Variants in ZDHHC23 observed in about 807,000 individuals in gnomAD.
ZDHHC23 encodes the protein zDHHC palmitoyltransferase 23, also known as palmitoyltransferase ZDHHC23.
In ZDHHC23, 41 loss-of-function variants were observed where a neutral mutation model predicts 40.2. The observed-to-expected ratio is 1.02, with a 90% CI of 0.79 to 1.32. ZDHHC23 has a LOEUF of 1.32. ZDHHC23 is among the 40% of genes most tolerant of loss of function. The pLI is 0.00. For missense variants in ZDHHC23, 471 were observed against 541.5 expected, an observed-to-expected ratio of 0.87 and a Z score of 1.29; for synonymous variants, 204 against 210.2, an observed-to-expected ratio of 0.97 and a Z score of 0.26.
In ZDHHC23 at chr3:113,960,869, A is replaced by G; in HGVS notation, c.*2239A>G. 2.0e-5 allele frequency: 27 copies of G among 1,374,504 alleles called. No individual in the cohort carries two copies. The highest frequency in any genetic ancestry group is 2.3e-5 in the Non-Finnish European group (24 of 1,041,306). 85.1% of individuals were successfully genotyped at this position (1,374,504 alleles called of 1,614,324 possible). A position where few individuals can be genotyped will look rare whatever the true frequency, so the allele number is the denominator to read the frequency against. On this transcript the variant is annotated 3_prime_UTR_variant, in exon 5 of 5. Coordinates refer to ENST00000638807, the MANE Select transcript of ZDHHC23 (RefSeq NM_001320466.2). ...ACAGAATGCTTAAACCTGTCAAAAG[A>G]TGAGTGATCTTGTGTGGGAAAAGCC...
chr3:113,968,459 CCCTTT>C (rs1940443299), downstream of ZDHHC23, among the ~76,000 whole-genome samples: 1 of 151,756 alleles, frequency 6.6e-6, no homozygotes, highest in Admixed American at 6.6e-5. Context: ...ATCTTCCCCC[CCCTTT>C]TTTTTTTAGG....
At chr3:113,948,284 G>C (rs1938287364) in intron 1 of ZDHHC23, 94 bp downstream of exon 1, 2 of 153,406 alleles carry the variant, frequency 1.3e-5, no homozygotes, top group Admixed American at 1.3e-4. Flanking sequence ...GGCGCACCCT[G>C]CAAGGGGCCC....
chr3:113,964,291 A>G (rs564042886), downstream of ZDHHC23: 21 of 152,352 alleles, frequency 1.4e-4, 1 homozygote, highest in South Asian at 3.5e-3. Flanking sequence ...TGTATTTTAT[A>G]ATGAAAAATT....
chr3:113,953,999 A>C lies in ZDHHC23; in HGVS notation c.461A>C (p.Tyr154Ser), dbSNP rs980354889. 1 of 1,613,852 alleles carries C rather than the reference A, an allele frequency of 6.2e-7. No homozygotes were observed. The highest frequency in any genetic ancestry group is 8.5e-7 in the Non-Finnish European group (1 of 1,180,002). Residue 154 changes from tyrosine to serine, a missense_variant, in exon 3 of 5, where the codon TAT becomes TCT. By Grantham distance (144) the Tyr-to-Ser change is moderately radical (BLOSUM62 -2). Around this residue, in one of 3 missense-constraint regions of ZDHHC23, gnomAD observed 346 missense variants for 399.8 expected, o/e 0.87. Transcript: ENST00000638807. ...LGLFSLGYMY[Y>S]VFLQEVVPKG... The stretch of plus-strand genomic sequence containing the variant: ...CTGTTCTCTCTGGGCTACATGTACT[A>C]TGTGTTCCTGCAGGAAGTGGTCCCC...
the ZDHHC23 span, among the ~76,000 whole-genome samples, chr3:113,970,488 A>G: frequency 2.6e-5 from 4 of 152,056 alleles, no homozygotes; most frequent in South Asian, 6.2e-4. Context: ...TCTCTTGTCT[A>G]ACTGCTCTGG....
the ZDHHC23 span, chr3:113,978,555 A>G: frequency 6.7e-6 from 4 of 597,800 alleles, no homozygotes; most frequent in East Asian, 2.8e-5. Context: ...TTGAAGGGGT[A>G]AGTTTCTAAA....
Position 113,948,733 on chromosome 3 carries a change from A to T in ZDHHC23, c.-70A>T. ...AGAGAGGCGTGGACCTATTTACGAG[A>T]TGTAAGTTGTGTTCTTTCCACCTTT... On this transcript the variant is annotated 5_prime_UTR_variant, in exon 2 of 5. An upstream start codon of the reference 5' UTR is lost. Transcript: ENST00000638807. 3.2e-6 allele frequency: 5 copies of T among 1,578,986 alleles called. No individual in the cohort carries two copies. The highest frequency in any genetic ancestry group is 1.4e-5 in the African/African-American group (1 of 73,896).
chr3:113,977,282 G>A, the ZDHHC23 span, among the ~76,000 whole-genome samples: 99 of 152,130 alleles, frequency 6.5e-4, no homozygotes, highest in African/African-American at 2.3e-3. Flanking sequence ...GAGTAATGTT[G>A]AGAAAAGGGG....
Position 113,956,507 on chromosome 3 carries a change from G to A in ZDHHC23, c.1040+1G>A. 3 of 1,612,498 alleles carry A rather than the reference G, an allele frequency of 1.9e-6. No individual in the cohort carries two copies. Among genetic ancestry groups the A allele is most frequent in the Non-Finnish European group, 2.5e-6 (3 of 1,179,428 alleles). On this transcript the variant is annotated splice_donor_variant, in intron 4 of 4. Transcript: ENST00000638807. LOFTEE classifies it high-confidence loss of function. Reference sequence around the variant, plus strand: ...GTCCTGGAGTTTATGCAAATTACAGGTGAGCAGTGGGTACCACAGTATGGA... The same window carrying A: ...GTCCTGGAGTTTATGCAAATTACAGATGAGCAGTGGGTACCACAGTATGGA...
At chr3:113,965,160 C>T (rs765670138), downstream of ZDHHC23, 32 of 1,593,100 alleles carry the variant, frequency 2.0e-5, no homozygotes, top group East Asian at 2.2e-5. Context: ...CTGGCTCATT[C>T]GTTCACCAGA....
intron 2 of ZDHHC23, among the ~76,000 whole-genome samples, chr3:113,952,759 C>A (rs1938798406): frequency 6.6e-6 from 1 of 152,214 alleles, no homozygotes; most frequent in Non-Finnish European, 1.5e-5. Flanking sequence ...GCAGCAGATT[C>A]AGTGTCTGGT....
chr3:113,954,274 T>C lies in ZDHHC23; in HGVS notation c.736T>C (p.Ser246Pro), dbSNP rs1938962755. Reference sequence around the variant, plus strand: ...AACAAAGGATGACCCCAAGGGCTCTTCCAAGATGCCAGCTGGAAGCCCCAC... The same window carrying C: ...AACAAAGGATGACCCCAAGGGCTCTCCCAAGATGCCAGCTGGAAGCCCCAC... Reference protein sequence around the residue: ...RTTKDDPKGSSKMPAGSPTKA... With the variant: ...RTTKDDPKGSPKMPAGSPTKA... The change falls in exon 3 of 5, where the codon TCC (serine) becomes CCC (proline). Residue 246 changes from serine (S) to proline (P), a missense_variant. By Grantham distance (74) the Ser-to-Pro change is moderately conservative (BLOSUM62 -1). This residue lies in a region of ZDHHC23 where 346 missense variants were observed against 399.8 expected (regional missense o/e 0.87). Transcript: ENST00000638807. 6.2e-7 allele frequency: 1 copy of C among 1,614,104 alleles called. No homozygotes were observed. The highest frequency in any genetic ancestry group is 8.5e-7 in the Non-Finnish European group (1 of 1,179,990).
downstream of ZDHHC23, among the ~76,000 whole-genome samples, chr3:113,968,480 ACT>A (rs1420207760): frequency 6.7e-6 from 1 of 150,262 alleles, no homozygotes; most frequent in Non-Finnish European, 1.5e-5. Context: ...TTAGGGCGTC[ACT>A]CTGTCGCCCA....
chr3:113,979,337 C>T, the ZDHHC23 span, among the ~76,000 whole-genome samples: 1,699 of 152,312 alleles, frequency 0.011, 16 homozygotes, highest in Middle Eastern at 0.034. Flanking sequence ...TCTCAATTTG[C>T]TCTCCTGGAG....
downstream of ZDHHC23, among the ~76,000 whole-genome samples, chr3:113,969,977 G>C (rs907585818): frequency 6.6e-6 from 1 of 152,100 alleles, no homozygotes; most frequent in African/African-American, 2.4e-5. Flanking sequence ...TTCCAGTGCA[G>C]GAGCATGGCA....
At chr3:113,976,616 A>G in the ZDHHC23 span, among the ~76,000 whole-genome samples, 1 of 151,978 alleles carries the variant, frequency 6.6e-6, no homozygotes, top group African/African-American at 2.4e-5. Context: ...GTTTAATAAT[A>G]ATATATTCAC....
chr3:113,960,661 A>G lies in ZDHHC23; in HGVS notation c.*2031A>G, dbSNP rs2107520000. On this transcript the variant is annotated 3_prime_UTR_variant, in exon 5 of 5. Coordinates refer to ENST00000638807, the MANE Select transcript of ZDHHC23 (RefSeq NM_001320466.2). The stretch of plus-strand genomic sequence containing the variant: ...GAAGATAAGTAGTACAAAGAGACCA[A>G]AATAATTTGGGAGAATTAGGAATGA... 4 of 1,607,248 alleles carry G rather than the reference A, an allele frequency of 2.5e-6. No homozygotes were observed. In the South Asian group the frequency reaches 3.3e-5, roughly 13 times the overall value.
chr3:113,976,236 G>A, the ZDHHC23 span, among the ~76,000 whole-genome samples: 1 of 151,934 alleles, frequency 6.6e-6, no homozygotes, highest in Non-Finnish European at 1.5e-5. Context: ...TCCAGCCTGG[G>A]TGACAGAGTA....
intron 1 of ZDHHC23, 69 bp from the exon 2 acceptor site, chr3:113,948,617 G>A: frequency 1.6e-6 from 1 of 624,520 alleles, no homozygotes; most frequent in Non-Finnish European, 2.7e-6. Context: ...GTGTGGCCAG[G>A]CGGAGCCACA....
Sources: gnomAD v4.1 joint callset for allele counts (sites outside exome capture counted in the v4.1 genomes callset) on GRCh38, gnomAD v4.1.1 for gene constraint, gnomAD v4.1.1 regional missense constraint, MANE v1.5 for transcripts, NCBI Gene and HGNC (gene_info 2026-07-23, HGNC 2026-07-21) for gene names.